UGT2A1: variants seen among roughly 807,000 people sequenced by gnomAD.
The protein encoded by UGT2A1 is UDP glucuronosyltransferase family 2 member A1 complex locus.
A neutral mutation model predicts 45.4 loss-of-function variants in UGT2A1; 61 were observed. The observed-to-expected ratio is 1.34, with a 90% CI of 1.09 to 1.66. The LOEUF is 1.66. UGT2A1 is among the 40% of genes most tolerant of loss of function. The pLI, the probability that UGT2A1 is intolerant of heterozygous loss-of-function variation, is 0.00. For missense variants in UGT2A1, 649 were observed against 574.3 expected (o/e 1.13, Z -1.33); for synonymous variants, 229 against 196.2 (o/e 1.17, Z -1.40).
chr4:69,595,172 A>T lies in UGT2A1; in HGVS notation c.1074T>A (p.Asn358Lys). 1 of 1,613,852 alleles carries T rather than the reference A, an allele frequency of 6.2e-7. No homozygotes were observed. Among genetic ancestry groups the T allele is most frequent in the Non-Finnish European group, 8.5e-7 (1 of 1,179,862 alleles). The change falls in exon 5 of 7, where the codon AAT (asparagine) becomes AAA (lysine). Residue 358 changes from asparagine (N) to lysine (K), a missense_variant. By Grantham distance (94) the Asn-to-Lys change is moderately conservative. Coordinates refer to ENST00000286604, the MANE Select transcript of UGT2A1 (RefSeq NM_001252275.3). ...NTQLFDWIPQ[N>K]DLLGHPKTKA... The stretch of plus-strand genomic sequence containing the variant: ...TCCCCACAGTCTTACCAAGAAGATC[A>T]TTCTGGGGTATCCAATCAAAGAGCT...
intron 2 of UGT2A1, among the ~76,000 whole-genome samples, chr4:69,646,438 T>G (rs1045038904): frequency 6.6e-6 from 1 of 151,852 alleles, no homozygotes; most frequent in Non-Finnish European, 1.5e-5. Context: ...ACCTTACAAT[T>G]AAAGGTGATA....
At chr4:69,612,368 C>A (rs1217740142) in intron 3 of UGT2A1, among the ~76,000 whole-genome samples, 1 of 151,908 alleles carries the variant, frequency 6.6e-6, no homozygotes, top group South Asian at 2.1e-4. Flanking sequence ...TGTCAAACTA[C>A]CAAAATCATC....
Position 69,647,205 on chromosome 4 carries a change from A to T in UGT2A1, c.440T>A (p.Leu147Gln). 1.2e-6 allele frequency: 2 copies of T among 1,613,318 alleles called. No homozygotes were observed. The highest frequency in any genetic ancestry group is 1.7e-6 in the Non-Finnish European group (2 of 1,179,462). ...ACAAGGAAATACTGGATCAGACACCAGGACTTCAAACTTGCTTTTCTTTAG... is the reference window on the plus strand; with the variant it reads ...ACAAGGAAATACTGGATCAGACACCTGGACTTCAAACTTGCTTTTCTTTAG... ...AKLKKSKFEV[L>Q]VSDPVFPCGD... Residue 147 changes from leucine (L) to glutamine (Q), a missense_variant, in exon 2 of 7, where the codon CTG becomes CAG. Transcript: ENST00000286604.
At chr4:69,618,398 C>T (rs893990398) in intron 3 of UGT2A1, among the ~76,000 whole-genome samples, 38 of 151,842 alleles carry the variant, frequency 2.5e-4, no homozygotes, top group African/African-American at 9.2e-4. Context: ...TGGCAAAAGG[C>T]TTTGTCACAA....
intron 3 of UGT2A1, among the ~76,000 whole-genome samples, chr4:69,608,720 A>C (rs140886490): frequency 6.6e-6 from 1 of 152,126 alleles, no homozygotes; most frequent in East Asian, 1.9e-4. Context: ...TTAGAGACAG[A>C]GCTTCACTCT....
intron 3 of UGT2A1, among the ~76,000 whole-genome samples, chr4:69,621,449 G>C (rs1459649416): frequency 1.4e-4 from 21 of 151,946 alleles, no homozygotes; most frequent in Admixed American, 1.4e-3. Flanking sequence ...ACCACAGTGA[G>C]ATACCATTTT....
At chr4:69,608,628 G>GA (rs1303664158) in intron 3 of UGT2A1, among the ~76,000 whole-genome samples, 1 of 146,976 alleles carries the variant, frequency 6.8e-6, no homozygotes, top group African/African-American at 2.5e-5. Flanking sequence ...AGGAAGGAGG[G>GA]AAAAAATGAA....
At chr4:69,642,213 C>G (rs772630409) in intron 2 of UGT2A1, among the ~76,000 whole-genome samples, 2 of 151,686 alleles carry the variant, frequency 1.3e-5, no homozygotes, top group Non-Finnish European at 2.9e-5. Context: ...TGAGTGGGAG[C>G]GAAAAAGATA....
intron 3 of UGT2A1, among the ~76,000 whole-genome samples, chr4:69,609,245 T>C (rs1719882355): frequency 6.6e-6 from 1 of 151,962 alleles, no homozygotes; most frequent in Admixed American, 6.6e-5. Flanking sequence ...CTTGACCTTA[T>C]GAGCCCAAGA....
Position 69,602,031 on chromosome 4 carries a change from A to G in UGT2A1, c.848-2637T>C, listed in dbSNP as rs573195414. Among the ~76,000 whole-genome samples, 27 of 137,522 alleles carry G rather than the reference A, an allele frequency of 2.0e-4. 3 individuals carry two copies. The South Asian group carries it at 6.4e-3, about 33-fold the overall frequency. 90.2% of individuals were successfully genotyped at this position (137,522 alleles called of 152,430 possible). On this transcript the variant is annotated intron_variant, in intron 3 of 6. Coordinates refer to ENST00000286604, the MANE Select transcript of UGT2A1 (RefSeq NM_001252275.3). ...ATAGAAATCAAATTAAAAGTCAATCATACTCAAAAATAGATGCTGTTACAG... is the reference window on the plus strand; with the variant it reads ...ATAGAAATCAAATTAAAAGTCAATCGTACTCAAAAATAGATGCTGTTACAG...
chr4:69,592,345 C>T (rs545081911), intron 6 of UGT2A1, among the ~76,000 whole-genome samples: 15 of 151,004 alleles, frequency 9.9e-5, no homozygotes, highest in Non-Finnish European at 1.6e-4. Context: ...ACACCAAGAC[C>T]GAGAAAAAAT....
chr4:69,612,380 C>T (rs1443683966), intron 3 of UGT2A1, among the ~76,000 whole-genome samples: 1 of 151,886 alleles, frequency 6.6e-6, no homozygotes, highest in African/African-American at 2.4e-5. Flanking sequence ...AAAATCATCA[C>T]ATAATTAGAT....
At chr4:69,618,669 A>G (rs1489331055) in intron 3 of UGT2A1, among the ~76,000 whole-genome samples, 6 of 152,004 alleles carry the variant, frequency 3.9e-5, no homozygotes, top group African/African-American at 1.4e-4. Context: ...TTCAGATTCA[A>G]CTTTGGTTAA....
At chr4:69,595,885 T>C (rs1381566020) in intron 4 of UGT2A1, among the ~76,000 whole-genome samples, 5 of 152,222 alleles carry the variant, frequency 3.3e-5, no homozygotes, top group Admixed American at 3.3e-4. Flanking sequence ...GCTTTGTGTT[T>C]ACACTCTCTT....
At chr4:69,599,534 T>C (rs1719135929) in intron 3 of UGT2A1, 140 bp from the exon 4 acceptor site, 1 of 1,197,130 alleles carries the variant, frequency 8.4e-7, no homozygotes. Flanking sequence ...CATGTTTATA[T>C]ATTAAGAAGA....
chr4:69,604,936 C>G (rs903670903), intron 3 of UGT2A1, among the ~76,000 whole-genome samples: 1 of 136,236 alleles, frequency 7.3e-6, no homozygotes, highest in African/African-American at 3.0e-5. Context: ...CCTTAGAGAC[C>G]TAGAAAGAGA....
chr4:69,604,659 C>T (rs1719494377), intron 3 of UGT2A1, among the ~76,000 whole-genome samples: 1 of 136,702 alleles, frequency 7.3e-6, no homozygotes, highest in South Asian at 2.4e-4. Context: ...CATCAGTGTG[C>T]TGTATTCAGG....
intron 3 of UGT2A1, among the ~76,000 whole-genome samples, chr4:69,617,366 G>A (rs1040918927): frequency 1.3e-5 from 2 of 151,736 alleles, no homozygotes; most frequent in East Asian, 3.9e-4. Flanking sequence ...TGTTGACGGC[G>A]TAAAAATAAA....
intron 3 of UGT2A1, among the ~76,000 whole-genome samples, chr4:69,627,568 A>AG (rs1560486876): frequency 6.4e-4 from 96 of 148,868 alleles, no homozygotes; most frequent in African/African-American, 2.3e-3. Flanking sequence ...GAGAGAGAGA[A>AG]AGAAAGAGAG....
Sources: gnomAD v4.1 joint callset for allele counts (sites outside exome capture counted in the v4.1 genomes callset) on GRCh38, gnomAD v4.1.1 for gene constraint, MANE v1.5 for transcripts, NCBI Gene and HGNC (gene_info 2026-07-23, HGNC 2026-07-21) for gene names.